Variants in FARP1 observed in about 807,000 individuals in gnomAD.
The protein encoded by FARP1 is FERM, ARH/RhoGEF and pleckstrin domain protein 1.
Under a neutral mutation model 128.8 loss-of-function variants are expected in FARP1, and 52 were observed. That is an observed-to-expected ratio of 0.40 (90% CI 0.32 to 0.51). The LOEUF (loss-of-function observed/expected upper bound fraction) is 0.51. Among genes scored for constraint, FARP1 ranks in the 20% least tolerant of loss-of-function variants. FARP1 has a pLI of 0.45. For synonymous variants in FARP1, 580 were observed against 551.8 expected, an observed-to-expected ratio of 1.05 and a Z score of -0.72; for missense variants, 1,333 against 1,367.9, an observed-to-expected ratio of 0.97 and a Z score of 0.40.
chr13:98,279,517 A>G (rs1884830484), intron 2 of FARP1, among the ~76,000 whole-genome samples: 1 of 152,208 alleles, frequency 6.6e-6, no homozygotes, highest in Non-Finnish European at 1.5e-5. Flanking sequence ...TTCAGTAGCC[A>G]CTGGAAATGT....
rs200861944 is a variant in FARP1, at chr13:98,343,797, T to G, written c.207T>G (p.Val69=). ...CTGGGAAGGTGCTGCTGGATGCAGT[T>G]TGCAACCACCTCAACCTCGTGGAAG... ...RAPGKVLLDA[V]CNHLNLVEGD... The change falls in exon 3 of 27, where the codon GTT becomes GTG. Residue 69 remains valine, a synonymous_variant. Transcript: ENST00000319562. The G allele has an allele frequency of 3.1e-6, 5 of 1,614,168 alleles. No individual in the cohort carries two copies. Among genetic ancestry groups the G allele is most frequent in the Non-Finnish European group, 4.2e-6 (5 of 1,179,994 alleles).
In FARP1 at chr13:98,453,153, C is replaced by T. The variant is rs531000805; in HGVS notation, c.*4836C>T. ...AAGAAGGAAAAAAGGAAAAACAAAACCCCAAATGCCAAAGGAATTTCAGTG... is the reference window on the plus strand; with the variant it reads ...AAGAAGGAAAAAAGGAAAAACAAAATCCCAAATGCCAAAGGAATTTCAGTG... On this transcript the variant is annotated 3_prime_UTR_variant, in exon 27 of 27. Transcript: ENST00000319562. 46 of 1,613,518 alleles carry T rather than the reference C, an allele frequency of 2.9e-5. No individual in the cohort carries two copies. Among genetic ancestry groups the T allele is most frequent in the Non-Finnish European group, 3.4e-5 (40 of 1,179,770 alleles).
At position 98,205,818 on chromosome 13, in the gene FARP1, C is replaced by T. The variant is rs1188169253; in HGVS notation, c.-23-7402C>T. On this transcript the variant is annotated intron_variant, in intron 1 of 26. Coordinates refer to ENST00000319562, the MANE Select transcript of FARP1 (RefSeq NM_005766.4). ...TTGGCCTGTATTTTGGTGATATTTTCATTCTTCCATTTTGTCCTCCTAAGG... is the reference window on the plus strand; with the variant it reads ...TTGGCCTGTATTTTGGTGATATTTTTATTCTTCCATTTTGTCCTCCTAAGG... 2.6e-5 allele frequency among the ~76,000 whole-genome samples: 4 copies of T among 152,286 alleles called. No individual in the cohort carries two copies. The East Asian group carries it at 5.8e-4, about 22-fold the overall frequency.
chr13:98,222,116 CT>C (rs1881447825), intron 2 of FARP1, among the ~76,000 whole-genome samples: 1 of 152,134 alleles, frequency 6.6e-6, no homozygotes, highest in Non-Finnish European at 1.5e-5. Flanking sequence ...CACTTTGTAA[CT>C]TTGAAGGAGA....
intron 19 of FARP1, among the ~76,000 whole-genome samples, chr13:98,438,306 G>A (rs1345435089): frequency 1.3e-5 from 2 of 152,124 alleles, no homozygotes; most frequent in African/African-American, 2.4e-5. Context: ...GTGCTCCCAT[G>A]TGGCCTCTCG....
chr13:98,443,628 A>G (rs1353082224), intron 24 of FARP1, among the ~76,000 whole-genome samples: 3 of 152,140 alleles, frequency 2.0e-5, no homozygotes, highest in African/African-American at 7.2e-5. Flanking sequence ...GTGTGGCCTC[A>G]CTGGCCTCTG....
intron 13 of FARP1, chr13:98,405,538 A>C (rs1594498112): frequency 6.6e-6 from 1 of 152,292 alleles, no homozygotes; most frequent in East Asian, 1.9e-4. Context: ...TCATGAAATC[A>C]TGGGGAAGAG....
rs574768202 is a variant in FARP1 at position 98,446,081 on chromosome 13, G to T, written c.2797-17G>T. On this transcript the variant is annotated splice_polypyrimidine_tract_variant and intron_variant, in intron 24 of 26. Transcript: ENST00000319562. Reference sequence around the variant, plus strand: ...CAGGTGCCCGCTGTGCTTCTCACAGGCCTCCTTGCCTTTCAGAATCAGTTG... The same window carrying T: ...CAGGTGCCCGCTGTGCTTCTCACAGTCCTCCTTGCCTTTCAGAATCAGTTG... 1 of 1,575,450 alleles carries T rather than the reference G, an allele frequency of 6.3e-7. No homozygotes were observed.
At chr13:98,360,941 T>C (rs1294089239) in intron 3 of FARP1, among the ~76,000 whole-genome samples, 2 of 152,148 alleles carry the variant, frequency 1.3e-5, no homozygotes, top group East Asian at 1.9e-4. Flanking sequence ...AGAAAGCTTA[T>C]GGTGTTTTTG....
At chr13:98,306,230 C>T (rs1402134358) in intron 2 of FARP1, among the ~76,000 whole-genome samples, 1 of 152,194 alleles carries the variant, frequency 6.6e-6, no homozygotes, top group Non-Finnish European at 1.5e-5. Context: ...ACCAGAGTAA[C>T]TGAAACTGGT....
chr13:98,229,927 A>G (rs1882019954), intron 2 of FARP1, among the ~76,000 whole-genome samples: 1 of 152,200 alleles, frequency 6.6e-6, no homozygotes. Context: ...AAGGTAGACA[A>G]TACACAGATT....
intron 5 of FARP1, among the ~76,000 whole-genome samples, chr13:98,374,159 C>G (rs1010026479): frequency 6.6e-6 from 1 of 152,314 alleles, no homozygotes; most frequent in South Asian, 2.1e-4. Flanking sequence ...CACAGTGGCT[C>G]ACATCTGTAA....
intron 3 of FARP1, among the ~76,000 whole-genome samples, chr13:98,355,695 T>A (rs1225987734): frequency 5.9e-5 from 9 of 152,236 alleles, no homozygotes; most frequent in Non-Finnish European, 1.0e-4. Flanking sequence ...AAATTTTCCG[T>A]ATTTGAATTA....
At chr13:98,337,780 T>G (rs1351873855) in intron 2 of FARP1, among the ~76,000 whole-genome samples, 3 of 152,184 alleles carry the variant, frequency 2.0e-5, no homozygotes, top group Non-Finnish European at 4.4e-5. Flanking sequence ...ATCTCATCGT[T>G]GGCTTTCAGT....
intron 1 of FARP1, among the ~76,000 whole-genome samples, chr13:98,152,702 T>G (rs645927): frequency 6.6e-6 from 1 of 152,198 alleles, no homozygotes; most frequent in Non-Finnish European, 1.5e-5. Context: ...ATTGGGAGAT[T>G]TTATCTTTCA....
chr13:98,182,633 C>G (rs1243704571), intron 1 of FARP1, among the ~76,000 whole-genome samples: 1 of 152,176 alleles, frequency 6.6e-6, no homozygotes. Context: ...CGCATCCAGC[C>G]ACATTATTTT....
chr13:98,200,869 A>T (rs1159756215), intron 1 of FARP1, among the ~76,000 whole-genome samples: 1 of 152,032 alleles, frequency 6.6e-6, no homozygotes, highest in Admixed American at 6.6e-5. Context: ...TTTCTTTTGA[A>T]TGTAAGTGTT....
intron 23 of FARP1, among the ~76,000 whole-genome samples, 185 bp downstream of exon 23, chr13:98,440,420 G>T (rs1028004597): frequency 1.4e-4 from 22 of 152,056 alleles, no homozygotes; most frequent in African/African-American, 5.3e-4. Context: ...TGAGGGAGCT[G>T]GGAAGTCACC....
At position 98,216,765 on chromosome 13, in the gene FARP1, C is replaced by T. The variant is rs1329262606; in HGVS notation, c.171+3352C>T. ...TGGCAGTTAGCTCCACGATCTTTTCCATTCTGTAGCTGTTTCCACAAGCAC... is the reference window on the plus strand; with the variant it reads ...TGGCAGTTAGCTCCACGATCTTTTCTATTCTGTAGCTGTTTCCACAAGCAC... On this transcript the variant is annotated intron_variant, in intron 2 of 26. Coordinates refer to ENST00000319562, the MANE Select transcript of FARP1 (RefSeq NM_005766.4). 5.9e-5 allele frequency among the ~76,000 whole-genome samples: 9 copies of T among 152,150 alleles called. No homozygotes were observed. In the East Asian group the frequency reaches 1.5e-3, roughly 26 times the overall value.
Sources: gnomAD v4.1 joint callset for allele counts (sites outside exome capture counted in the v4.1 genomes callset) on GRCh38, gnomAD v4.1.1 for gene constraint, MANE v1.5 for transcripts, NCBI Gene and HGNC (gene_info 2026-07-23, HGNC 2026-07-21) for gene names.